MARCO: variants seen among roughly 807,000 people sequenced by gnomAD.
MARCO encodes macrophage receptor with collagenous structure.
A neutral mutation model predicts 70.0 loss-of-function variants in MARCO; 72 were observed. The ratio of observed to expected loss-of-function variants is 1.03; its 90% CI spans 0.85 to 1.25. MARCO has a LOEUF of 1.25. Among genes scored for constraint, MARCO ranks in the 50% most tolerant of loss-of-function variants. MARCO has a pLI of 0.00. For missense variants in MARCO, 696 were observed against 659.3 expected, an observed-to-expected ratio of 1.06 and a Z score of -0.61; for synonymous variants, 273 against 243.1, an observed-to-expected ratio of 1.12 and a Z score of -1.14.
At chr2:118,967,791 C>T (rs925893059) in intron 1 of MARCO, among the ~76,000 whole-genome samples, 5 of 152,148 alleles carry the variant, frequency 3.3e-5, no homozygotes, top group African/African-American at 4.8e-5. Context: ...GCATCTGTCA[C>T]AATAGTTAAA....
chr2:118,963,818 T>C (rs1172126950), intron 1 of MARCO, among the ~76,000 whole-genome samples: 2 of 152,212 alleles, frequency 1.3e-5, no homozygotes, highest in Admixed American at 6.5e-5. Context: ...AGTTTGGCAA[T>C]ATCCGTCCTC....
intron 3 of MARCO, 27 bp downstream of exon 3, chr2:118,970,365 G>T (rs1020383906): frequency 1.3e-6 from 2 of 1,550,090 alleles, no homozygotes; most frequent in Admixed American, 3.5e-5. Flanking sequence ...TCTGGGTCAG[G>T]ACTTCTCAAC....
intron 1 of MARCO, among the ~76,000 whole-genome samples, chr2:118,957,421 G>C (rs137990801): frequency 1.4e-3 from 216 of 151,918 alleles, no homozygotes; most frequent in Non-Finnish European, 2.8e-3. Flanking sequence ...AAAATACAAC[G>C]TTCCTAGCTT....
intron 6 of MARCO, among the ~76,000 whole-genome samples, chr2:118,975,030 G>A (rs541590888): frequency 1.3e-5 from 2 of 152,332 alleles, no homozygotes; most frequent in East Asian, 1.9e-4. Flanking sequence ...GGGCTGCAGA[G>A]GGCTGCCAGG....
chr2:118,971,823 AGGGC>A, intron 4 of MARCO, among the ~76,000 whole-genome samples: 1 of 152,372 alleles, frequency 6.6e-6, no homozygotes, highest in African/African-American at 2.4e-5. Flanking sequence ...TCTGGCTGCC[AGGGC>A]AGCCTCTCTC....
chr2:118,945,310 C>T (rs1020913868), intron 1 of MARCO, among the ~76,000 whole-genome samples: 32 of 151,926 alleles, frequency 2.1e-4, no homozygotes, highest in Non-Finnish European at 2.6e-4. Flanking sequence ...CACTCCTGGC[C>T]GTCTGGTTTC....
chr2:118,972,335 T>G (rs1342015956), intron 4 of MARCO, among the ~76,000 whole-genome samples: 2 of 152,242 alleles, frequency 1.3e-5, no homozygotes, highest in Admixed American at 6.5e-5. Context: ...ATGCCATTTT[T>G]GGGACAGAAT....
chr2:118,993,061 C>T, intron 15 of MARCO, 63 bp from the exon 16 acceptor site: 1 of 1,410,518 alleles, frequency 7.1e-7, no homozygotes, highest in Non-Finnish European at 9.9e-7. Context: ...AAGAAAGAGC[C>T]CGCACTTACC....
intron 12 of MARCO, among the ~76,000 whole-genome samples, chr2:118,986,403 A>T (rs1398333254): frequency 6.6e-6 from 1 of 151,784 alleles, no homozygotes; most frequent in East Asian, 1.9e-4. Flanking sequence ...AGTCTCAGCT[A>T]CTCAGGTGGC....
At chr2:118,986,672 G>GGAAGGAAAGAAAGAAAGAAAGAAA (rs1680505947) in intron 12 of MARCO, among the ~76,000 whole-genome samples, 26 of 48,692 alleles carry the variant, frequency 5.3e-4, no homozygotes, top group East Asian at 9.0e-4. Flanking sequence ...AAGGAAGGAA[G>GGAAGGAAAGAAAGAAAGAAAGAAA]GAAAGAAAGA....
intron 1 of MARCO, among the ~76,000 whole-genome samples, chr2:118,947,967 A>T (rs1157115978): frequency 6.6e-6 from 1 of 152,220 alleles, no homozygotes. Context: ...CAATCCATGC[A>T]CATCTCTCCA....
At chr2:118,988,463 T>C (rs1680557245) in intron 12 of MARCO, among the ~76,000 whole-genome samples, 1 of 152,068 alleles carries the variant, frequency 6.6e-6, no homozygotes, top group Non-Finnish European at 1.5e-5. Flanking sequence ...TATATGTCTA[T>C]GATGGTGATG....
chr2:118,986,738 G>GGAAAA (rs1680523922), intron 12 of MARCO, among the ~76,000 whole-genome samples: 1 of 140,718 alleles, frequency 7.1e-6, no homozygotes, highest in African/African-American at 2.7e-5. Context: ...AAGAAAGAAA[G>GGAAAA]AGAAAGAAAG....
intron 1 of MARCO, among the ~76,000 whole-genome samples, chr2:118,956,991 G>A (rs1218930236): frequency 1.3e-5 from 2 of 151,938 alleles, no homozygotes; most frequent in East Asian, 3.9e-4. Context: ...ATACAGCTAA[G>A]GTGTTGCTAA....
chr2:118,990,471 C>A, intron 12 of MARCO, 118 bp from the exon 13 acceptor site: 1 of 942,786 alleles, frequency 1.1e-6, no homozygotes, highest in South Asian at 1.5e-5. Flanking sequence ...CGTGGAGAAC[C>A]AATGTATCTT....
intron 1 of MARCO, among the ~76,000 whole-genome samples, chr2:118,957,859 T>C (rs968331572): frequency 2.6e-5 from 4 of 152,066 alleles, no homozygotes; most frequent in African/African-American, 9.7e-5. Flanking sequence ...CCCAGGTCAA[T>C]AAATTTGATA....
chr2:118,986,649 GAAA>G (rs1558671595), intron 12 of MARCO, among the ~76,000 whole-genome samples: 22 of 45,450 alleles, frequency 4.8e-4, no homozygotes, highest in African/African-American at 1.7e-3. Flanking sequence ...AAGAAAGAAA[GAAA>G]GAAGGAAGGA....
At chr2:118,982,095 G>A in intron 10 of MARCO, 61 bp from the exon 11 acceptor site, 1 of 1,207,564 alleles carries the variant, frequency 8.3e-7, no homozygotes, top group South Asian at 1.3e-5. Flanking sequence ...AGCACTGGGG[G>A]TTGGGGTATC....
rs749781886 is a variant in MARCO, at chr2:118,981,473, G to T, written c.831G>T (p.Gly277=). 3 of 1,600,586 alleles carry T rather than the reference G, an allele frequency of 1.9e-6. No individual in the cohort carries two copies. Among genetic ancestry groups the T allele is most frequent in the Non-Finnish European group, 2.5e-6 (3 of 1,176,972 alleles). The part of the protein sequence containing the change: ...AGVMGPPGAQ[G]SKGDFGRPGP... ...TCATGGGGCCTCCTGGAGCCCAGGG[G>T]AGTAAAGGTGACTTCGGGAGGCCAG... Residue 277 remains glycine, a synonymous_variant, in exon 9 of 17, where the codon GGG becomes GGT. Transcript: ENST00000327097.
Sources: gnomAD v4.1 joint callset for allele counts (sites outside exome capture counted in the v4.1 genomes callset) on GRCh38, gnomAD v4.1.1 for gene constraint, MANE v1.5 for transcripts, NCBI Gene and HGNC (gene_info 2026-07-23, HGNC 2026-07-21) for gene names.